Variants in CDH13 observed in about 807,000 individuals in gnomAD.
CDH13 encodes cadherin 13.
In CDH13, 24 loss-of-function variants were observed where a neutral mutation model predicts 63.8. That is an observed-to-expected ratio of 0.38 (90% confidence interval 0.27 to 0.53). The LOEUF is 0.53. Ranked by LOEUF, CDH13 falls within the 20% of genes least tolerant of loss-of-function variation. CDH13 has a pLI of 0.85. For missense variants in CDH13, 1,049 were observed against 903.1 expected (o/e 1.16, Z -2.07); for synonymous variants, 503 against 355.3 (o/e 1.42, Z -4.67).
chr16:82,903,091 A>C (rs2041523821), intron 2 of CDH13, among the ~76,000 whole-genome samples: 1 of 152,258 alleles, frequency 6.6e-6, no homozygotes, highest in Non-Finnish European at 1.5e-5. Flanking sequence ...CAAGATGACC[A>C]AGATTCAGAG....
chr16:82,942,338 C>T (rs545410288), intron 2 of CDH13, among the ~76,000 whole-genome samples: 13 of 152,292 alleles, frequency 8.5e-5, no homozygotes, highest in South Asian at 2.1e-4. Context: ...GATCTATTTC[C>T]GCACTGTCTT....
In CDH13 at chr16:83,571,637, G is replaced by A. The variant is rs1417065482; in HGVS notation, c.961-30817G>A. ...ACTCCTTAATGTAACGCTGGCATGT[G>A]CCTTGAGAATCCAGCACAGGCAGTT... On this transcript the variant is annotated intron_variant, in intron 7 of 13. Transcript: ENST00000567109. Among the ~76,000 whole-genome samples, 3 of 152,104 alleles carry A rather than the reference G, an allele frequency of 2.0e-5. No homozygotes were observed. The East Asian group carries it at 5.8e-4, about 29-fold the overall frequency.
chr16:83,705,423 C>A (rs1248584929), intron 10 of CDH13, among the ~76,000 whole-genome samples: 1 of 151,986 alleles, frequency 6.6e-6, no homozygotes, highest in Admixed American at 6.5e-5. Context: ...GAGATGGAGA[C>A]CATCCTGGCT....
chr16:82,841,188 T>A (rs973381128), intron 1 of CDH13, among the ~76,000 whole-genome samples: 4 of 152,196 alleles, frequency 2.6e-5, no homozygotes, highest in African/African-American at 9.7e-5. Context: ...CAAATCCAGA[T>A]GCTCGGTGAA....
At chr16:83,714,044 A>C (rs1908501979) in intron 10 of CDH13, among the ~76,000 whole-genome samples, 1 of 151,192 alleles carries the variant, frequency 6.6e-6, no homozygotes, top group Admixed American at 6.6e-5. Context: ...CCCTATACCC[A>C]TCGCTGGCCA....
intron 10 of CDH13, among the ~76,000 whole-genome samples, chr16:83,704,450 T>A (rs527402203): frequency 6.6e-6 from 1 of 151,994 alleles, no homozygotes; most frequent in South Asian, 2.1e-4. Flanking sequence ...TTTAGGGTGT[T>A]TAGGGAAATG....
chr16:82,809,150 C>T (rs1597659665), intron 1 of CDH13, among the ~76,000 whole-genome samples: 1 of 152,054 alleles, frequency 6.6e-6, no homozygotes, highest in Non-Finnish European at 1.5e-5. Flanking sequence ...TGTAAAATTT[C>T]ACTCCTCCCC....
At chr16:83,104,273 A>G (rs927824817) in intron 3 of CDH13, among the ~76,000 whole-genome samples, 1 of 152,172 alleles carries the variant, frequency 6.6e-6, no homozygotes, top group South Asian at 2.1e-4. Context: ...GGAACCTTCA[A>G]AGAACACAGT....
At chr16:83,386,049 A>G (rs2091667319) in intron 6 of CDH13, among the ~76,000 whole-genome samples, 1 of 152,216 alleles carries the variant, frequency 6.6e-6, no homozygotes, top group Non-Finnish European at 1.5e-5. Flanking sequence ...TCTCCATCTC[A>G]GTTTCCTCAT....
intron 6 of CDH13, among the ~76,000 whole-genome samples, chr16:83,382,202 T>A (rs988408254): frequency 6.6e-6 from 1 of 152,208 alleles, no homozygotes; most frequent in African/African-American, 2.4e-5. Context: ...CACTGACTAA[T>A]AGCCATAAAG....
At chr16:83,711,429 C>T (rs895042535) in intron 10 of CDH13, among the ~76,000 whole-genome samples, 7 of 152,202 alleles carry the variant, frequency 4.6e-5, no homozygotes, top group African/African-American at 1.7e-4. Context: ...AGCAAACTTT[C>T]CTAATGGCTG....
chr16:83,400,684 C>T (rs1211297055), intron 6 of CDH13, among the ~76,000 whole-genome samples: 1 of 152,128 alleles, frequency 6.6e-6, no homozygotes, highest in Non-Finnish European at 1.5e-5. Context: ...TGATAGATCC[C>T]TGAAAACACA....
At chr16:82,636,501 G>A (rs1305865873) in intron 1 of CDH13, among the ~76,000 whole-genome samples, 1 of 152,152 alleles carries the variant, frequency 6.6e-6, no homozygotes, top group African/African-American at 2.4e-5. Flanking sequence ...GAGAAACATT[G>A]CCAAGCCCTT....
intron 1 of CDH13, among the ~76,000 whole-genome samples, chr16:82,802,368 G>C (rs905527792): frequency 6.6e-6 from 1 of 152,186 alleles, no homozygotes; most frequent in African/African-American, 2.4e-5. Flanking sequence ...GGCTTTCTCA[G>C]CTTTACAGAA....
chr16:83,419,737 T>G (rs986013088), intron 6 of CDH13, among the ~76,000 whole-genome samples: 1 of 152,234 alleles, frequency 6.6e-6, no homozygotes, highest in Non-Finnish European at 1.5e-5. Flanking sequence ...TGTACTGGCA[T>G]TGTGGTTATA....
At chr16:82,858,559 T>C (rs775417145) in intron 2 of CDH13, 86 bp downstream of exon 2, 34 of 877,524 alleles carry the variant, frequency 3.9e-5, no homozygotes, top group Non-Finnish European at 6.3e-5. Flanking sequence ...GGATGTGGTA[T>C]TTCCTAAACT....
intron 10 of CDH13, among the ~76,000 whole-genome samples, chr16:83,716,127 T>C (rs1908857813): frequency 6.6e-6 from 1 of 152,216 alleles, no homozygotes; most frequent in Non-Finnish European, 1.5e-5. Flanking sequence ...TTAGAGCAGT[T>C]GCAGGTTCAC....
intron 7 of CDH13, among the ~76,000 whole-genome samples, chr16:83,541,947 A>C (rs1270249113): frequency 6.6e-6 from 1 of 152,196 alleles, no homozygotes; most frequent in African/African-American, 2.4e-5. Context: ...ATTCCCTAGC[A>C]AGTGTCCAGC....
chr16:83,510,917 CCTTGA>C (rs2074541544), intron 7 of CDH13, among the ~76,000 whole-genome samples: 1 of 152,202 alleles, frequency 6.6e-6, no homozygotes, highest in Non-Finnish European at 1.5e-5. Flanking sequence ...CAAAATTTAC[CCTTGA>C]AAACTTTAGA....
Sources: allele counts gnomAD v4.1 joint callset (sites outside exome capture counted in the v4.1 genomes callset), GRCh38; gene constraint gnomAD v4.1.1; transcripts MANE v1.5; gene names NCBI Gene and HGNC (gene_info 2026-07-23, HGNC 2026-07-21).